The following CCDC141 variants were observed in gnomAD, a reference collection of about 807,000 sequenced individuals.
CCDC141 encodes coiled-coil domain containing 141, also known as coiled-coil domain-containing protein 141.
Under a neutral mutation model 181.0 loss-of-function variants are expected in CCDC141, and 168 were observed. The ratio of observed to expected loss-of-function variants is 0.93; its 90% CI spans 0.82 to 1.05. CCDC141 has a LOEUF of 1.05. CCDC141 is among the 50% of genes least tolerant of loss of function. The pLI is 0.00. For missense variants in CCDC141, 1,902 were observed against 1,788.5 expected (o/e 1.06, Z -1.14); for synonymous variants, 666 against 642.3 (o/e 1.04, Z -0.56).
At chr2:178,974,676 T>C (rs891251603) in intron 4 of CCDC141, among the ~76,000 whole-genome samples, 3 of 152,208 alleles carry the variant, frequency 2.0e-5, no homozygotes, top group Non-Finnish European at 4.4e-5. Context: ...TATTGACCCT[T>C]AGAAGGAACA....
intron 17 of CCDC141, among the ~76,000 whole-genome samples, chr2:178,858,630 A>C (rs1685483129): frequency 6.6e-6 from 1 of 152,046 alleles, no homozygotes; most frequent in African/African-American, 2.4e-5. Flanking sequence ...TAAGCTGGTA[A>C]ATTTCATGCT....
At chr2:178,824,911 C>T (rs375422857), downstream of CCDC141, among the ~76,000 whole-genome samples, 7 of 151,962 alleles carry the variant, frequency 4.6e-5, no homozygotes, top group African/African-American at 1.5e-4. Flanking sequence ...ACAAGGCCTT[C>T]GATAAAATAC....
intron 14 of CCDC141, 25 bp downstream of exon 14, chr2:178,871,402 C>T (rs1335090880): frequency 5.6e-6 from 9 of 1,600,972 alleles, no homozygotes; most frequent in Non-Finnish European, 6.0e-6. Context: ...TCCATTCACC[C>T]AAATCCAGCA....
chr2:178,893,976 G>C (rs1183597081), intron 8 of CCDC141, among the ~76,000 whole-genome samples: 15 of 152,150 alleles, frequency 9.9e-5, no homozygotes, highest in African/African-American at 3.6e-4. Flanking sequence ...TGAGGCCATA[G>C]AGACCAACAT....
chr2:178,973,217 T>C (rs1406402614), intron 4 of CCDC141, among the ~76,000 whole-genome samples: 2 of 152,168 alleles, frequency 1.3e-5, no homozygotes, highest in Admixed American at 1.3e-4. Context: ...ATTTTTTTGT[T>C]TTATGAAAAC....
chr2:178,917,602 T>C (rs1688508699), intron 7 of CCDC141, among the ~76,000 whole-genome samples: 1 of 152,174 alleles, frequency 6.6e-6, no homozygotes, highest in Non-Finnish European at 1.5e-5. Flanking sequence ...ATCAGTGAAA[T>C]TTAAGGTATG....
chr2:178,865,088 T>G (rs975759449), intron 17 of CCDC141, among the ~76,000 whole-genome samples: 1 of 152,040 alleles, frequency 6.6e-6, no homozygotes, highest in Non-Finnish European at 1.5e-5. Context: ...AGTGAATATC[T>G]AGGTGTTGTG....
chr2:178,895,863 T>A (rs368706140), intron 8 of CCDC141, among the ~76,000 whole-genome samples: 1 of 152,186 alleles, frequency 6.6e-6, no homozygotes, highest in East Asian at 1.9e-4. Context: ...AAAGGAAATG[T>A]GTTTGTCTTG....
rs140976616 is a variant in CCDC141, at chr2:178,968,920, G to T, written c.526+6137C>A. ...AGGGCATATCACCACTGATCCCACA[G>T]AAATACAAACCAAATCAGAGAATAC... On this transcript the variant is annotated intron_variant, in intron 4 of 23. Transcript: ENST00000443758. 1.1e-4 allele frequency among the ~76,000 whole-genome samples: 17 copies of T among 152,018 alleles called. No homozygotes were observed. In the East Asian group the frequency reaches 3.3e-3, roughly 29 times the overall value.
chr2:178,821,610 T>A, the CCDC141 span, among the ~76,000 whole-genome samples: 6 of 152,342 alleles, frequency 3.9e-5, no homozygotes, highest in Middle Eastern at 3.4e-3. Flanking sequence ...CTCAGAGTTC[T>A]TCTGTAGCAA....
chr2:178,994,303 G>A (rs1394697587), intron 2 of CCDC141, among the ~76,000 whole-genome samples: 2 of 152,190 alleles, frequency 1.3e-5, no homozygotes, highest in Admixed American at 6.5e-5. Context: ...AAGAGGGTCC[G>A]AAAGCCCAGT....
chr2:179,022,552 TC>T (rs1383623871), intron 2 of CCDC141, among the ~76,000 whole-genome samples: 1 of 152,134 alleles, frequency 6.6e-6, no homozygotes, highest in Non-Finnish European at 1.5e-5. Context: ...AATTCTACCT[TC>T]CCCATGAAAC....
At chr2:178,881,128 G>A (rs1021494101) in intron 11 of CCDC141, among the ~76,000 whole-genome samples, 1 of 152,152 alleles carries the variant, frequency 6.6e-6, no homozygotes, top group Non-Finnish European at 1.5e-5. Flanking sequence ...GAACAAAAAA[G>A]GAAAGTGAAT....
intron 6 of CCDC141, among the ~76,000 whole-genome samples, chr2:178,940,603 T>C (rs565851126): frequency 2.0e-5 from 3 of 152,264 alleles, no homozygotes; most frequent in South Asian, 4.1e-4. Flanking sequence ...TTTTTAAAGA[T>C]ATTGGGTGGA....
At chr2:178,876,727 T>G (rs1397065893) in intron 12 of CCDC141, 1 of 152,208 alleles carries the variant, frequency 6.6e-6, no homozygotes, top group Admixed American at 6.5e-5. Flanking sequence ...TTACTTGTCA[T>G]ATCTACAGAA....
chr2:178,920,657 G>A (rs947384501), intron 6 of CCDC141, among the ~76,000 whole-genome samples: 1 of 151,658 alleles, frequency 6.6e-6, no homozygotes, highest in African/African-American at 2.4e-5. Flanking sequence ...CCAGGAAGTT[G>A]AGGCTGCAGT....
chr2:178,966,946 C>T (rs998019233), intron 4 of CCDC141, among the ~76,000 whole-genome samples: 9 of 151,346 alleles, frequency 5.9e-5, no homozygotes, highest in African/African-American at 2.2e-4. Context: ...AGGAGAACTT[C>T]GTGAAGCATA....
intron 15 of CCDC141, 127 bp downstream of exon 15, chr2:178,868,990 G>C (rs1486989270): frequency 8.9e-6 from 5 of 562,012 alleles, no homozygotes; most frequent in Admixed American, 7.7e-5. Context: ...AGAAAAGATA[G>C]GGGCCAGATT....
intron 8 of CCDC141, among the ~76,000 whole-genome samples, chr2:178,893,848 CAAT>C (rs1469769374): frequency 1.8e-4 from 26 of 148,144 alleles, no homozygotes; most frequent in African/African-American, 6.5e-4. Context: ...CACACACACA[CAAT>C]GTTTTATGTA....
Sources: gnomAD v4.1 joint callset for allele counts (sites outside exome capture counted in the v4.1 genomes callset) on GRCh38, gnomAD v4.1.1 for gene constraint, MANE v1.5 for transcripts, NCBI Gene and HGNC (gene_info 2026-07-23, HGNC 2026-07-21) for gene names.